The following KALRN variants were observed in gnomAD, a reference collection of about 807,000 sequenced individuals.
The protein encoded by KALRN is kalirin.
In KALRN, 70 loss-of-function variants were observed where a neutral mutation model predicts 353.7. The ratio of observed to expected loss-of-function variants is 0.20; its 90% CI spans 0.16 to 0.24. The LOEUF (loss-of-function observed/expected upper bound fraction) is 0.24, where lower values mean the gene tolerates loss of function less well. KALRN is among the 10% of genes least tolerant of loss of function. The pLI, the probability that KALRN is intolerant of heterozygous loss-of-function variation, is 1.00. For synonymous variants in KALRN, 1,391 were observed against 1,434.8 expected (o/e 0.97, Z 0.69); for missense variants, 2,791 against 3,756.7 (o/e 0.74, Z 6.72).
At chr3:124,103,856 T>G (rs190143260) in intron 1 of KALRN, among the ~76,000 whole-genome samples, 1 of 152,232 alleles carries the variant, frequency 6.6e-6, no homozygotes, top group Admixed American at 6.5e-5. Context: ...CTCAGGAGGC[T>G]GAGGCAGGAG....
At chr3:124,256,796 T>C (rs2072067676) in intron 3 of KALRN, among the ~76,000 whole-genome samples, 1 of 152,148 alleles carries the variant, frequency 6.6e-6, no homozygotes, top group African/African-American at 2.4e-5. Context: ...AAGTTTGAGA[T>C]GTGGCTGCCA....
At chr3:124,550,898 A>G (rs1577914360) in intron 33 of KALRN, among the ~76,000 whole-genome samples, 1 of 152,168 alleles carries the variant, frequency 6.6e-6, no homozygotes, top group South Asian at 2.1e-4. Flanking sequence ...CTGCGGCAGG[A>G]GAATGGCATG....
In KALRN at chr3:124,632,510, G is replaced by T. The variant is rs760328888; in HGVS notation, c.5273G>T (p.Ser1758Ile). ...QAQPSLNSIH[S>I]SPGPKRSTNT... ...CAGCCCTCCCTGAACTCCATCCACA[G>T]TTCCCCGGGTCCCAAGCGCTCCACC... Residue 1758 changes from serine (S) to isoleucine (I), a missense_variant, in exon 35 of 60, where the codon AGT (serine) becomes ATT (isoleucine). Transcript: ENST00000682506. 3.7e-6 allele frequency: 6 copies of T among 1,614,224 alleles called. No individual in the cohort carries two copies. The highest frequency in any genetic ancestry group is 4.2e-6 in the Non-Finnish European group (5 of 1,180,038).
chr3:124,196,158 C>T (rs2075404171), intron 1 of KALRN, among the ~76,000 whole-genome samples: 1 of 152,144 alleles, frequency 6.6e-6, no homozygotes, highest in African/African-American at 2.4e-5. Flanking sequence ...GCAAGCATCC[C>T]TGATTTATCA....
At chr3:124,225,116 T>C (rs1393108987) in intron 1 of KALRN, among the ~76,000 whole-genome samples, 3 of 152,204 alleles carry the variant, frequency 2.0e-5, no homozygotes, top group Admixed American at 6.5e-5. Context: ...TTCCAACAGC[T>C]GGTTTCACAA....
At chr3:124,690,194 T>TA (rs1480018888) in intron 51 of KALRN, among the ~76,000 whole-genome samples, 2 of 151,752 alleles carry the variant, frequency 1.3e-5, no homozygotes, top group Non-Finnish European at 2.9e-5. Context: ...AAAGAGAAAA[T>TA]AAAAAATTTA....
At chr3:124,229,050 A>T (rs2078878099) in intron 2 of KALRN, among the ~76,000 whole-genome samples, 1 of 151,092 alleles carries the variant, frequency 6.6e-6, no homozygotes, top group Non-Finnish European at 1.5e-5. Context: ...CCCTATCTCA[A>T]GATGGTTAAC....
At chr3:124,123,088 G>A (rs149368022) in intron 1 of KALRN, among the ~76,000 whole-genome samples, 1 of 151,858 alleles carries the variant, frequency 6.6e-6, no homozygotes, top group East Asian at 1.9e-4. Flanking sequence ...GTAATCCCAG[G>A]TACTCAAGGG....
At chr3:124,502,692 A>G (rs2064739595) in intron 33 of KALRN, among the ~76,000 whole-genome samples, 1 of 152,118 alleles carries the variant, frequency 6.6e-6, no homozygotes, top group Non-Finnish European at 1.5e-5. Flanking sequence ...AGCACAGAAG[A>G]CCTGGGGTAG....
intron 11 of KALRN, 122 bp downstream of exon 11, chr3:124,385,158 C>T: frequency 4.0e-6 from 3 of 758,512 alleles, no homozygotes; most frequent in Non-Finnish European, 6.1e-6. Flanking sequence ...AACTTCCTAA[C>T]TTTGGTAATA....
chr3:124,691,288 C>T (rs2061800796), intron 51 of KALRN, among the ~76,000 whole-genome samples: 1 of 152,136 alleles, frequency 6.6e-6, no homozygotes, highest in Admixed American at 6.5e-5. Context: ...ATTAGCTGGG[C>T]ATGGTGGCGC....
intron 33 of KALRN, among the ~76,000 whole-genome samples, chr3:124,529,231 C>T (rs905249479): frequency 3.3e-5 from 5 of 152,138 alleles, no homozygotes; most frequent in Non-Finnish European, 7.3e-5. Flanking sequence ...AGTACAATTA[C>T]ATAGCATGTA....
At chr3:124,248,126 G>A (rs1361852780) in intron 3 of KALRN, among the ~76,000 whole-genome samples, 1 of 152,232 alleles carries the variant, frequency 6.6e-6, no homozygotes, top group Admixed American at 6.5e-5. Flanking sequence ...TCTCTGATAG[G>A]TGGTGAACCT....
chr3:124,264,542 G>A lies in KALRN; in HGVS notation c.308G>A (p.Arg103Gln), dbSNP rs2073283729. The A allele has an allele frequency of 6.2e-7, 1 of 1,613,996 alleles. No homozygotes were observed. The highest frequency in any genetic ancestry group is 1.3e-5 in the African/African-American group (1 of 74,976). The change falls in exon 4 of 60, where the codon CGG (arginine) becomes CAG (glutamine). Residue 103 changes from arginine to glutamine, a missense_variant. Arg to Gln is a conservative substitution (Grantham distance 43). This residue lies in a region of KALRN where 110 missense variants were observed against 204.1 expected (regional missense o/e 0.54). Coordinates refer to ENST00000682506, the MANE Select transcript of KALRN (RefSeq NM_001388419.1). The stretch of plus-strand genomic sequence containing the variant: ...GGCTTCACTGTCATCATCGACATGC[G>A]GGGCTCCAAGTGGGACCTCATCAAG... The part of the protein sequence containing the change: ...KRGFTVIIDM[R>Q]GSKWDLIKPL...
intron 37 of KALRN, among the ~76,000 whole-genome samples, chr3:124,649,846 G>A (rs2083209061): frequency 1.5e-5 from 2 of 137,746 alleles, no homozygotes; most frequent in African/African-American, 2.8e-5. Context: ...TATTATGGCT[G>A]GGTGCATTGG....
intron 34 of KALRN, among the ~76,000 whole-genome samples, chr3:124,564,343 G>A (rs993287274): frequency 7.2e-5 from 11 of 151,858 alleles, no homozygotes; most frequent in East Asian, 1.9e-4. Flanking sequence ...TGATTGCATC[G>A]CTGCGCTCCA....
chr3:124,415,963 A>G (rs990053752), intron 14 of KALRN, among the ~76,000 whole-genome samples: 1 of 152,202 alleles, frequency 6.6e-6, no homozygotes, highest in African/African-American at 2.4e-5. Flanking sequence ...CTTATTAGGG[A>G]AGTAGGGGAA....
chr3:124,658,466 G>A lies in KALRN; in HGVS notation c.6072G>A (p.Gln2024=), dbSNP rs1234655521. ...RKLHIYVWYC[Q]NKPRSEYIVA... is the part of the protein sequence containing the mutation. ...TGCACATCTACGTGTGGTATTGTCA[G>A]AATAAGCCGCGCTCAGAGTACATCG... Residue 2024 remains glutamine (Q), a synonymous_variant, in exon 42 of 60, where the codon CAG becomes CAA. Coordinates refer to ENST00000682506, the MANE Select transcript of KALRN (RefSeq NM_001388419.1). The A allele has an allele frequency of 6.2e-7, 1 of 1,614,038 alleles. No homozygotes were observed. The highest frequency in any genetic ancestry group is 1.3e-5 in the African/African-American group (1 of 74,930).
In KALRN at chr3:124,287,714, T is replaced by C. The variant is rs2076036600; in HGVS notation, c.970-11077T>C. ...ATTTTAAATAAAAATGCAAGTATAT[T>C]GAGGTTACCTGGAGAGCTTCTATGG... On this transcript the variant is annotated intron_variant, in intron 5 of 59. Coordinates refer to ENST00000682506, the MANE Select transcript of KALRN (RefSeq NM_001388419.1). 2.4e-5 allele frequency among the ~76,000 whole-genome samples: 3 copies of C among 125,862 alleles called. No individual in the cohort carries two copies. In the Admixed American group the frequency reaches 2.6e-4, roughly 11 times the overall value. The allele number at this position is 125,862 out of a possible 152,430, so 82.6% of individuals were successfully genotyped here.
Sources: gnomAD v4.1 joint callset for allele counts (sites outside exome capture counted in the v4.1 genomes callset) on GRCh38, gnomAD v4.1.1 for gene constraint, gnomAD v4.1.1 regional missense constraint, MANE v1.5 for transcripts, NCBI Gene and HGNC (gene_info 2026-07-23, HGNC 2026-07-21) for gene names.